Variants in SRGAP3 observed in about 807,000 individuals in gnomAD.
SRGAP3 encodes SLIT-ROBO Rho GTPase activating protein 3.
SRGAP3 carries 39 observed loss-of-function variants against 121.1 expected under a neutral mutation model. That is an observed-to-expected ratio of 0.32 (90% CI 0.25 to 0.42). SRGAP3 has a LOEUF of 0.42. Ranked by LOEUF, SRGAP3 falls within the 10% of genes least tolerant of loss-of-function variation. SRGAP3 has a pLI of 1.00. For synonymous variants in SRGAP3, 601 were observed against 570.0 expected, an observed-to-expected ratio of 1.05 and a Z score of -0.77; for missense variants, 1,213 against 1,470.6, an observed-to-expected ratio of 0.82 and a Z score of 2.86.
intron 18 of SRGAP3, among the ~76,000 whole-genome samples, chr3:8,998,629 T>A (rs1942561829): frequency 6.6e-6 from 1 of 152,048 alleles, no homozygotes; most frequent in Admixed American, 6.6e-5. Flanking sequence ...TTTTGAAACT[T>A]TACTATCAAT....
chr3:9,330,395 G>C (rs1320819899), intron 2 of SRGAP3: 6 of 152,234 alleles, frequency 3.9e-5, no homozygotes. Context: ...GTTTGGATCA[G>C]AAATTTGCTC....
chr3:9,154,279 G>A (rs1304212868), intron 1 of SRGAP3, among the ~76,000 whole-genome samples: 2 of 151,936 alleles, frequency 1.3e-5, no homozygotes, highest in East Asian at 3.9e-4. Context: ...TCACCAAACA[G>A]TGTTCATTTC....
chr3:9,038,292 TCA>T (rs780467274), intron 10 of SRGAP3, among the ~76,000 whole-genome samples: 1 of 152,230 alleles, frequency 6.6e-6, no homozygotes, highest in Admixed American at 6.5e-5. Context: ...AGGGCTGTGT[TCA>T]CACACACATT....
chr3:9,319,032 C>T (rs1955398242), intron 3 of SRGAP3, among the ~76,000 whole-genome samples: 1 of 151,820 alleles, frequency 6.6e-6, no homozygotes, highest in African/African-American at 2.4e-5. Flanking sequence ...AAGGGAGATG[C>T]TTAAAAGGGG....
intron 1 of SRGAP3, among the ~76,000 whole-genome samples, chr3:9,214,032 G>A (rs1473582099): frequency 1.3e-5 from 2 of 151,498 alleles, no homozygotes; most frequent in African/African-American, 4.9e-5. Context: ...CTTTGTAATG[G>A]TTACCATTAT....
chr3:8,994,982 T>TA (rs1942302959), intron 18 of SRGAP3, among the ~76,000 whole-genome samples: 1 of 152,202 alleles, frequency 6.6e-6, no homozygotes, highest in Non-Finnish European at 1.5e-5. Flanking sequence ...CAAAATCCGA[T>TA]ACAGGATTTT....
intron 3 of SRGAP3, among the ~76,000 whole-genome samples, chr3:9,294,807 T>C (rs1199215612): frequency 6.6e-6 from 1 of 151,420 alleles, no homozygotes; most frequent in Non-Finnish European, 1.5e-5. Flanking sequence ...GACTTGACTA[T>C]TACACAGTAA....
At chr3:9,061,501 T>G (rs529719247) in intron 5 of SRGAP3, among the ~76,000 whole-genome samples, 1 of 152,242 alleles carries the variant, frequency 6.6e-6, no homozygotes, top group East Asian at 1.9e-4. Context: ...CTCATCTACC[T>G]CTCCCACTCC....
At chr3:9,230,376 T>A (rs1046122527) in intron 1 of SRGAP3, among the ~76,000 whole-genome samples, 4 of 152,210 alleles carry the variant, frequency 2.6e-5, no homozygotes, top group African/African-American at 9.7e-5. Flanking sequence ...ATTCTCAAAC[T>A]GGATGGGCAT....
intron 1 of SRGAP3, among the ~76,000 whole-genome samples, chr3:9,126,546 C>T (rs930788758): frequency 6.6e-6 from 1 of 152,160 alleles, no homozygotes; most frequent in Admixed American, 6.5e-5. Flanking sequence ...AGGAGAATCA[C>T]TTGAACCCAG....
chr3:9,216,659 T>C (rs1210080231), intron 1 of SRGAP3: 1 of 152,456 alleles, frequency 6.6e-6, no homozygotes, highest in Non-Finnish European at 1.5e-5. Context: ...TCCGATGTAA[T>C]GGATGAGGAA....
intron 1 of SRGAP3, among the ~76,000 whole-genome samples, chr3:9,142,577 T>C (rs1371826708): frequency 2.6e-5 from 4 of 152,200 alleles, no homozygotes; most frequent in Non-Finnish European, 5.9e-5. Context: ...AAACACCTCA[T>C]GTTTATTAGC....
At chr3:9,302,964 C>CTTA (rs1553570587) in intron 3 of SRGAP3, among the ~76,000 whole-genome samples, 1 of 151,772 alleles carries the variant, frequency 6.6e-6, no homozygotes, top group Non-Finnish European at 1.5e-5. Context: ...TTTGTCACCA[C>CTTA]TTTTGAAATA....
intron 1 of SRGAP3, among the ~76,000 whole-genome samples, chr3:9,165,530 A>C (rs903712336): frequency 6.6e-6 from 1 of 152,198 alleles, no homozygotes; most frequent in African/African-American, 2.4e-5. Flanking sequence ...ACTGCCTCAC[A>C]GGCTTAGCTC....
intron 3 of SRGAP3, among the ~76,000 whole-genome samples, chr3:9,268,675 T>C (rs958821851): frequency 2.0e-5 from 3 of 152,024 alleles, no homozygotes; most frequent in Admixed American, 6.6e-5. Flanking sequence ...CCACAAAAAC[T>C]CTGAGATAAC....
chr3:9,197,949 TA>T (rs1181758727), intron 1 of SRGAP3, among the ~76,000 whole-genome samples: 1 of 152,226 alleles, frequency 6.6e-6, no homozygotes, highest in Non-Finnish European at 1.5e-5. Flanking sequence ...ATCTCTTTCT[TA>T]AAAATAATAT....
rs1314793411 is a variant in SRGAP3, at chr3:9,056,341, G to C, written c.1024-7C>G. 3.1e-6 allele frequency: 5 copies of C among 1,611,620 alleles called. No individual in the cohort carries two copies. The South Asian group carries it at 5.5e-5, about 18-fold the overall frequency. On this transcript the variant is annotated splice_polypyrimidine_tract_variant and splice_region_variant and intron_variant, in intron 7 of 21. Transcript: ENST00000383836. The stretch of plus-strand genomic sequence containing the variant: ...GAGCGCTGACCTGGCAGACCTGCAG[G>C]AATAACAGCCACCATCTGTGGTTGC...
intron 1 of SRGAP3, among the ~76,000 whole-genome samples, chr3:9,244,461 C>G (rs1953754281): frequency 6.7e-6 from 1 of 150,066 alleles, no homozygotes; most frequent in Non-Finnish European, 1.5e-5. Context: ...GCACCAAAGT[C>G]AATCATTGCA....
At chr3:9,343,373 C>G (rs1559285562) in intron 1 of SRGAP3, among the ~76,000 whole-genome samples, 1 of 152,158 alleles carries the variant, frequency 6.6e-6, no homozygotes, top group Non-Finnish European at 1.5e-5. Context: ...ACACCATGAC[C>G]TTGGTTCTTA....
Sources: gnomAD v4.1 joint callset for allele counts (sites outside exome capture counted in the v4.1 genomes callset) on GRCh38, gnomAD v4.1.1 for gene constraint, MANE v1.5 for transcripts, NCBI Gene and HGNC (gene_info 2026-07-23, HGNC 2026-07-21) for gene names.